Variants in FRMPD4 observed in about 807,000 individuals in gnomAD.
FRMPD4 encodes FERM and PDZ domain-containing protein 4.
FRMPD4 carries 22 observed loss-of-function variants against 94.1 expected under a neutral mutation model. That is an observed-to-expected ratio of 0.23 (90% CI 0.17 to 0.33). The LOEUF is 0.33. FRMPD4 is among the 10% of genes least tolerant of loss of function. FRMPD4 has a pLI of 1.00. For missense variants in FRMPD4, 1,111 were observed against 1,339.9 expected (o/e 0.83, Z 2.67); for synonymous variants, 631 against 548.6 (o/e 1.15, Z -2.10).
chrX:12,350,507 A>G (rs956455174), intron 1 of FRMPD4, among the ~76,000 whole-genome samples: 1 of 112,205 alleles, frequency 8.9e-6, no homozygotes, highest in Admixed American at 9.4e-5. Context: ...ATCTTTATTG[A>G]AAAGGAAAGT....
At chrX:12,047,171 G>C in intron 3 of FRMPD4, among the ~76,000 whole-genome samples, 1 of 109,481 alleles carries the variant, frequency 9.1e-6, no homozygotes, top group Non-Finnish European at 1.9e-5. Flanking sequence ...GATTATATAT[G>C]TGGCTACATA....
At chrX:11,933,763 G>T (rs151194865) in intron 3 of FRMPD4, among the ~76,000 whole-genome samples, 78 of 111,461 alleles carry the variant, frequency 7.0e-4, no homozygotes, top group African/African-American at 2.5e-3. Flanking sequence ...TTTTTTTTAG[G>T]GACAATCAAT....
chrX:12,041,906 A>G, intron 3 of FRMPD4, among the ~76,000 whole-genome samples: 1 of 111,579 alleles, frequency 9.0e-6, no homozygotes, highest in Non-Finnish European at 1.9e-5. Context: ...TGTGTTCTCA[A>G]ATCTTCTGTT....
chrX:12,116,056 C>A (rs1601949070), intron 3 of FRMPD4, among the ~76,000 whole-genome samples: 1 of 112,441 alleles, frequency 8.9e-6, no homozygotes, highest in East Asian at 2.8e-4. Flanking sequence ...ACTATTGTGA[C>A]AGATAGATCT....
intron 1 of FRMPD4, among the ~76,000 whole-genome samples, chrX:12,424,978 G>A (rs1383861842): frequency 1.8e-5 from 2 of 111,966 alleles, no homozygotes; most frequent in African/African-American, 6.5e-5. Flanking sequence ...TTCCCCCAAG[G>A]GATATTTTCT....
chrX:11,852,640 A>G (rs1485773794), intron 1 of FRMPD4, among the ~76,000 whole-genome samples: 4 of 110,684 alleles, frequency 3.6e-5, no homozygotes, highest in African/African-American at 1.3e-4. Flanking sequence ...TTAAACCAAC[A>G]AAGATCCAAA....
intron 1 of FRMPD4, among the ~76,000 whole-genome samples, chrX:12,280,455 A>G (rs999751045): frequency 1.8e-5 from 2 of 109,593 alleles, no homozygotes; most frequent in Non-Finnish European, 3.8e-5. Context: ...TAGAACCTGA[A>G]AAAACCCATC....
chrX:11,924,359 C>G (rs2054074222), intron 3 of FRMPD4, among the ~76,000 whole-genome samples: 1 of 112,062 alleles, frequency 8.9e-6, no homozygotes, highest in African/African-American at 3.2e-5. Flanking sequence ...TGAGAACTTT[C>G]CCAATCTAGC....
chrX:12,495,767 GT>G (rs2057842373), intron 1 of FRMPD4, among the ~76,000 whole-genome samples: 1 of 112,018 alleles, frequency 8.9e-6, no homozygotes, highest in Non-Finnish European at 1.9e-5. Flanking sequence ...GTAGAGTTAT[GT>G]GGAGCAGTGG....
intron 1 of FRMPD4, among the ~76,000 whole-genome samples, chrX:12,283,947 G>A (rs2054563148): frequency 9.0e-6 from 1 of 111,260 alleles, no homozygotes. Context: ...TATGATAATA[G>A]GTGTTAAGAG....
chrX:11,824,344 G>C lies in FRMPD4; in HGVS notation c.-161+1629G>C, dbSNP rs763300678. On this transcript the variant is annotated intron_variant, in intron 1 of 18. Coordinates refer to the FRMPD4 transcript ENST00000640291. ...TAGCAGGACTAGATATTGAAATATC[G>C]GAGCCATTAGCATGTAGACTGAATC... is the stretch of plus-strand genomic sequence containing the variant. Among the ~76,000 whole-genome samples, 4 of 111,538 alleles carry C rather than the reference G, an allele frequency of 3.6e-5. No homozygotes were observed. In the Admixed American group the frequency reaches 3.8e-4, roughly 11 times the overall value.
chrX:12,340,335 G>T (rs1160370392), intron 1 of FRMPD4, among the ~76,000 whole-genome samples: 3 of 110,764 alleles, frequency 2.7e-5, no homozygotes, highest in Non-Finnish European at 5.6e-5. Flanking sequence ...ATGGAGTATT[G>T]TCAAAGAATA....
At chrX:12,557,513 T>A (rs78036213) in intron 2 of FRMPD4, among the ~76,000 whole-genome samples, 3 of 112,561 alleles carry the variant, frequency 2.7e-5, no homozygotes, top group Non-Finnish European at 5.6e-5. Context: ...AATAGCCATC[T>A]TGAAATATGT....
intron 2 of FRMPD4, among the ~76,000 whole-genome samples, chrX:12,583,841 C>G (rs956349313): frequency 1.8e-5 from 2 of 112,118 alleles, no homozygotes; most frequent in Non-Finnish European, 3.8e-5. Flanking sequence ...GCGCTGTTGA[C>G]TCTTCTAGGG....
At chrX:12,589,949 T>C (rs758158708) in intron 2 of FRMPD4, among the ~76,000 whole-genome samples, 1 of 112,448 alleles carries the variant, frequency 8.9e-6, no homozygotes, top group South Asian at 3.7e-4. Context: ...ATTTGAGACA[T>C]AATGAAAGTC....
At chrX:12,029,009 G>A (rs1424740371) in intron 3 of FRMPD4, among the ~76,000 whole-genome samples, 1 of 112,238 alleles carries the variant, frequency 8.9e-6, no homozygotes, top group African/African-American at 3.2e-5. Context: ...GAGTGTAACT[G>A]TTTGATTGTA....
At chrX:12,515,595 T>G (rs1412687164) in intron 2 of FRMPD4, among the ~76,000 whole-genome samples, 1 of 111,974 alleles carries the variant, frequency 8.9e-6, no homozygotes, top group East Asian at 2.8e-4. Context: ...TTGAGGAGTG[T>G]TTCACTTCCC....
chrX:12,620,687 A>G (rs1244630868), intron 4 of FRMPD4, among the ~76,000 whole-genome samples: 4 of 112,525 alleles, frequency 3.6e-5, no homozygotes, highest in African/African-American at 1.3e-4. Flanking sequence ...AGCAGTAGTC[A>G]CATGATCTAG....
chrX:12,417,435 C>T (rs910989756), intron 1 of FRMPD4, among the ~76,000 whole-genome samples: 12 of 108,117 alleles, frequency 1.1e-4, no homozygotes, highest in Non-Finnish European at 1.7e-4. Flanking sequence ...AAAAATTAGC[C>T]GGGTATGGTG....
Sources: allele counts gnomAD v4.1 joint callset (sites outside exome capture counted in the v4.1 genomes callset), GRCh38; gene constraint gnomAD v4.1.1; transcripts MANE v1.5; gene names NCBI Gene and HGNC (gene_info 2026-07-23, HGNC 2026-07-21).